The following TUT7 variants were observed in gnomAD, a reference collection of about 807,000 sequenced individuals.
TUT7 encodes the protein terminal uridylyl transferase 7, also known as terminal uridylyltransferase 7.
TUT7 carries 33 observed loss-of-function variants against 165.9 expected under a neutral mutation model. That is an observed-to-expected ratio of 0.20 (90% CI 0.15 to 0.27). The LOEUF (loss-of-function observed/expected upper bound fraction) is 0.27. TUT7 is among the 10% of genes least tolerant of loss of function. The pLI is 1.00. For missense variants in TUT7, 1,338 were observed against 1,762.3 expected (o/e 0.76, Z 4.31); for synonymous variants, 552 against 608.1 (o/e 0.91, Z 1.36).
chr9:86,295,172 A>G (rs1587843723), intron 26 of TUT7, among the ~76,000 whole-genome samples: 1 of 152,150 alleles, frequency 6.6e-6, no homozygotes, highest in Non-Finnish European at 1.5e-5. Flanking sequence ...CTGTAGAAGT[A>G]CAACAAAGGA....
chr9:86,328,392 G>GTGT lies in TUT7; in HGVS notation c.1553_1555dup (p.Asp518_Thr519insAsn). ...TGGTGCCTCTTCTTTTGTTATGCCTGTGTCCCCTGCAGCACTGTCAGTATG... is the reference window on the plus strand; with the variant it reads ...TGGTGCCTCTTCTTTTGTTATGCCTGTGTTGTCCCCTGCAGCACTGTCAGTATG... On this transcript the variant is annotated inframe_insertion, in exon 11 of 27. Transcript: ENST00000375963. 1 of 1,611,846 alleles carries GTGT rather than the reference G, an allele frequency of 6.2e-7. No homozygotes were observed. Among genetic ancestry groups the GTGT allele is most frequent in the Non-Finnish European group, 8.5e-7 (1 of 1,178,838 alleles).
rs770742916 is a variant in TUT7 at position 86,345,169 on chromosome 9, T to A, written c.820-15A>T. 6.3e-7 allele frequency: 1 copy of A among 1,597,450 alleles called. No homozygotes were observed. The highest frequency in any genetic ancestry group is 8.5e-7 in the Non-Finnish European group (1 of 1,172,824). On this transcript the variant is annotated splice_polypyrimidine_tract_variant and intron_variant, in intron 4 of 26. Coordinates refer to ENST00000375963, the MANE Select transcript of TUT7 (RefSeq NM_024617.4). ...TCTTGCTTCTCCTTTTAAGATCAAA[T>A]GTTGAGATTAAAAATGACTTACACA...
intron 14 of TUT7, among the ~76,000 whole-genome samples, chr9:86,322,091 A>AT (rs909087766): frequency 1.3e-5 from 2 of 151,558 alleles, no homozygotes; most frequent in Non-Finnish European, 1.5e-5. Context: ...TTAAAAAAAA[A>AT]TTTTTTTTTA....
intron 9 of TUT7, among the ~76,000 whole-genome samples, chr9:86,338,460 C>T (rs1425879608): frequency 1.3e-5 from 2 of 151,768 alleles, no homozygotes; most frequent in African/African-American, 2.4e-5. Flanking sequence ...TATTTTTTGC[C>T]GTCTCTGTGT....
intron 5 of TUT7, 34 bp downstream of exon 5, chr9:86,344,942 AG>A (rs769116081): frequency 3.9e-6 from 6 of 1,554,824 alleles, no homozygotes; most frequent in Non-Finnish European, 4.4e-6. Context: ...AGGTACTTTT[AG>A]GTAGTTAAAT....
intron 2 of TUT7, among the ~76,000 whole-genome samples, chr9:86,348,909 A>G (rs1366187093): frequency 2.6e-5 from 4 of 152,110 alleles, no homozygotes; most frequent in Admixed American, 6.5e-5. Context: ...TTCTAAACCT[A>G]CTTTCACAGG....
intron 24 of TUT7, 149 bp from the exon 25 acceptor site, chr9:86,303,350 A>G (rs1380058845): frequency 2.1e-6 from 1 of 486,306 alleles, no homozygotes; most frequent in Admixed American, 3.7e-5. Context: ...ATTCCAAACA[A>G]AATCTAAGAC....
intron 16 of TUT7, 138 bp downstream of exon 16, chr9:86,318,820 T>C (rs563522581): frequency 2.8e-5 from 15 of 540,656 alleles, no homozygotes; most frequent in African/African-American, 1.5e-4. Flanking sequence ...CTTAATGTAT[T>C]TGGCCAGAGA....
rs535834845 is a variant in TUT7 at position 86,321,557 on chromosome 9, T to G, written c.3028+768A>C. 3.9e-5 allele frequency among the ~76,000 whole-genome samples: 6 copies of G among 152,200 alleles called. No homozygotes were observed. The South Asian group carries it at 1.0e-3, about 26-fold the overall frequency. ...CAGCCTGGCCAACGTGGTGAAACCC[T>G]GTATCTACAAAAAATATAAGAATGA... On this transcript the variant is annotated intron_variant, in intron 14 of 26. Coordinates refer to ENST00000375963, the MANE Select transcript of TUT7 (RefSeq NM_024617.4).
At chr9:86,353,910 G>A (rs1261498106) in intron 1 of TUT7, among the ~76,000 whole-genome samples, 1 of 152,218 alleles carries the variant, frequency 6.6e-6, no homozygotes, top group Non-Finnish European at 1.5e-5. Flanking sequence ...GCAATTCCCT[G>A]AGGAATGACA....
Position 86,354,262 on chromosome 9 carries a change from C to T in TUT7, c.-32+9G>A, listed in dbSNP as rs1224836654. On this transcript the variant is annotated intron_variant, in intron 1 of 26. Transcript: ENST00000375963. Reference sequence around the variant, plus strand: ...GCGAGGAGGCCGGCGGGGGATGGAACCAACGTACCTCCGGGGCCAGGCCGG... The same window carrying T: ...GCGAGGAGGCCGGCGGGGGATGGAATCAACGTACCTCCGGGGCCAGGCCGG... 1 of 152,830 alleles carries T rather than the reference C, an allele frequency of 6.5e-6. No individual in the cohort carries two copies. Among genetic ancestry groups the T allele is most frequent in the Non-Finnish European group, 1.5e-5 (1 of 68,190 alleles). The allele number at this position is 152,830 out of a possible 1,614,324, so 9.5% of individuals were successfully genotyped here.
Position 86,338,940 on chromosome 9 carries a change from C to T in TUT7, c.1218G>A (p.Leu406=). Residue 406 remains leucine (L), a synonymous_variant, in exon 9 of 27, where the codon CTG becomes CTA. Transcript: ENST00000375963. The part of the protein sequence containing the change: ...VVCREKQSGL[L]CKVSAGNENA... Reference sequence around the variant, plus strand: ...TTTCATTTCCTGCGCTCACTTTACACAGAAGACCACTGGTGAGAGGTGGGG... The same window carrying T: ...TTTCATTTCCTGCGCTCACTTTACATAGAAGACCACTGGTGAGAGGTGGGG... The T allele has an allele frequency of 6.2e-7, 1 of 1,602,070 alleles. No homozygotes were observed. The highest frequency in any genetic ancestry group is 8.5e-7 in the Non-Finnish European group (1 of 1,173,752).
In TUT7 at chr9:86,303,071, T is replaced by G; in HGVS notation, c.4094+15A>C. 3.7e-6 allele frequency: 5 copies of G among 1,351,378 alleles called. No homozygotes were observed. The highest frequency in any genetic ancestry group is 4.1e-6 in the Non-Finnish European group (4 of 973,580). 83.7% of individuals were successfully genotyped at this position (1,351,378 alleles called of 1,614,324 possible). On this transcript the variant is annotated intron_variant, in intron 25 of 26. Coordinates refer to ENST00000375963, the MANE Select transcript of TUT7 (RefSeq NM_024617.4). ...AAAATAAAAACACAACCAACCCCTT[T>G]GAACATTTACTTACTTTCTCCTCAT...
At position 86,353,763 on chromosome 9, in the gene TUT7, G is replaced by A. The variant is rs185372289; in HGVS notation, c.-32+508C>T. On this transcript the variant is annotated intron_variant, in intron 1 of 26. Transcript: ENST00000375963. ...TGGACAGACCGGCTTTGAGCGCTTA[G>A]GTTACGGAGGGGCTGGGCTTCCGAC... Among the ~76,000 whole-genome samples the A allele has an allele frequency of 2.0e-3, 310 of 152,296 alleles. 1 individual carries two copies. Among genetic ancestry groups the A allele is most frequent in the African/African-American group, 7.3e-3 (303 of 41,572 alleles).
chr9:86,319,733 A>C, intron 14 of TUT7, 63 bp from the exon 15 acceptor site: 6 of 1,101,068 alleles, frequency 5.4e-6, no homozygotes, highest in Non-Finnish European at 7.8e-6. Context: ...GAAAAAGCTG[A>C]AAAAAATTTA....
intron 5 of TUT7, among the ~76,000 whole-genome samples, chr9:86,344,588 CTT>C (rs11390352): frequency 1.5e-4 from 21 of 141,676 alleles, no homozygotes; most frequent in Admixed American, 2.1e-4. Context: ...TAAATAAAAT[CTT>C]TTTTTTTTTT....
At position 86,320,567 on chromosome 9, in the gene TUT7, A is replaced by G. The variant is rs567101055; in HGVS notation, c.3029-897T>C. On this transcript the variant is annotated intron_variant, in intron 14 of 26. Coordinates refer to ENST00000375963, the MANE Select transcript of TUT7 (RefSeq NM_024617.4). ...GTCCTGGAAATAACCCAGGAATTCT[A>G]AGAGAGAAGGGAGTGTGTAGTGTTA... 6.7e-4 allele frequency among the ~76,000 whole-genome samples: 102 copies of G among 152,288 alleles called. 1 individual carries two copies. Among genetic ancestry groups the G allele is most frequent in the African/African-American group, 2.4e-3 (99 of 41,570 alleles).
intron 2 of TUT7, among the ~76,000 whole-genome samples, chr9:86,349,854 T>C (rs533247627): frequency 6.6e-6 from 1 of 152,290 alleles, no homozygotes; most frequent in East Asian, 1.9e-4. Flanking sequence ...TGCAAACTTT[T>C]GAATTACCTC....
intron 11 of TUT7, among the ~76,000 whole-genome samples, chr9:86,327,855 G>C (rs968523284): frequency 1.3e-5 from 2 of 152,196 alleles, no homozygotes; most frequent in African/African-American, 4.8e-5. Context: ...ATTTGGGAGA[G>C]AATCTTATTC....
Sources: gnomAD v4.1 joint callset for allele counts (sites outside exome capture counted in the v4.1 genomes callset) on GRCh38, gnomAD v4.1.1 for gene constraint, MANE v1.5 for transcripts, NCBI Gene and HGNC (gene_info 2026-07-23, HGNC 2026-07-21) for gene names.